The following PHKB variants were observed in gnomAD, a reference collection of about 807,000 sequenced individuals.
PHKB encodes the protein phosphorylase b kinase regulatory subunit beta.
Under a neutral mutation model 152.1 loss-of-function variants are expected in PHKB, and 122 were observed. The observed-to-expected ratio is 0.80, with a 90% confidence interval of 0.69 to 0.93. PHKB has a LOEUF of 0.93. PHKB is among the 40% of genes least tolerant of loss of function. The pLI is 0.00. For missense variants in PHKB, 1,304 were observed against 1,328.4 expected (o/e 0.98, Z 0.29); for synonymous variants, 436 against 464.9 (o/e 0.94, Z 0.80).
rs180815706 is a variant in PHKB, at chr16:47,492,618, C to T, written c.77-4781C>T. Among the ~76,000 whole-genome samples the T allele has an allele frequency of 2.3e-4, 35 of 152,184 alleles. No homozygotes were observed. In the East Asian group the frequency reaches 6.0e-3, roughly 26 times the overall value. On this transcript the variant is annotated intron_variant, in intron 1 of 30. Coordinates refer to ENST00000323584, the MANE Select transcript of PHKB (RefSeq NM_000293.3). ...TGTTGGGCACCCTTGGTTCACGCAC[C>T]CCAGCCTTGGCAGGGAGGGGAGGGT...
rs142494612 is a variant in PHKB, at chr16:47,517,880, A to G, written c.594+2279A>G. ...GTACACTTAAAAATCCTAGAGTAAT[A>G]AAACATGTCATTTCCGCTCACCATC... On this transcript the variant is annotated intron_variant, in intron 6 of 30. Transcript: ENST00000323584. 7.5e-3 allele frequency among the ~76,000 whole-genome samples: 1,139 copies of G among 152,316 alleles called. 18 individuals are homozygous for G. The highest frequency in any genetic ancestry group is 0.026 in the African/African-American group (1,079 of 41,570).
At chr16:47,546,189 C>G (rs1971161138) in intron 6 of PHKB, among the ~76,000 whole-genome samples, 1 of 152,206 alleles carries the variant, frequency 6.6e-6, no homozygotes, top group South Asian at 2.1e-4. Context: ...TTAGAACTTT[C>G]AGCTTTTCTG....
chr16:47,663,896 G>A, intron 24 of PHKB, 162 bp downstream of exon 24: 1 of 654,020 alleles, frequency 1.5e-6, no homozygotes, highest in South Asian at 1.8e-5. Flanking sequence ...TAGCATGTCT[G>A]TCCCCCCACT....
intron 6 of PHKB, among the ~76,000 whole-genome samples, chr16:47,528,696 C>CTTTTTTTTTTTTTTTTT (rs11450311): frequency 2.2e-5 from 3 of 137,388 alleles, no homozygotes; most frequent in Non-Finnish European, 3.1e-5. Flanking sequence ...AGGACTTTTT[C>CTTTTTTTTTTTTTTTTT]TTTTTTTTTT....
chr16:47,546,606 A>G (rs1185171411), intron 6 of PHKB, among the ~76,000 whole-genome samples: 1 of 152,156 alleles, frequency 6.6e-6, no homozygotes, highest in African/African-American at 2.4e-5. Flanking sequence ...TTAGAGGGCA[A>G]ACACTGTGCT....
chr16:47,523,352 A>G (rs1298850620), intron 6 of PHKB, among the ~76,000 whole-genome samples: 2 of 152,164 alleles, frequency 1.3e-5, no homozygotes. Flanking sequence ...TTTTCTGTGA[A>G]TTATGTATTC....
intron 14 of PHKB, among the ~76,000 whole-genome samples, chr16:47,640,060 C>G (rs1315286646): frequency 6.6e-6 from 1 of 152,178 alleles, no homozygotes; most frequent in East Asian, 1.9e-4. Flanking sequence ...TGAAAGTCTG[C>G]GTGAAATGGC....
chr16:47,516,933 G>A (rs1239201776), intron 6 of PHKB, among the ~76,000 whole-genome samples: 1 of 152,104 alleles, frequency 6.6e-6, no homozygotes, highest in African/African-American at 2.4e-5. Flanking sequence ...GGATCAGGGA[G>A]GAGCTGGGAA....
intron 26 of PHKB, among the ~76,000 whole-genome samples, chr16:47,684,204 C>T (rs1391358315): frequency 6.6e-6 from 1 of 151,882 alleles, no homozygotes; most frequent in Non-Finnish European, 1.5e-5. Flanking sequence ...GTAGCGGTGC[C>T]TGCCTGTAGT....
chr16:47,650,094 CTTGAACTGTATT>C (rs544412816), intron 18 of PHKB, among the ~76,000 whole-genome samples: 84 of 152,176 alleles, frequency 5.5e-4, no homozygotes, highest in African/African-American at 2.0e-3. Context: ...TGAGGCCATT[CTTGAACTGTATT>C]TTGTAGGCTT....
At chr16:47,696,328 T>A in intron 28 of PHKB, 53 bp from the exon 29 acceptor site, 1 of 890,788 alleles carries the variant, frequency 1.1e-6, no homozygotes, top group Non-Finnish European at 1.9e-6. Context: ...TTCTATTAAA[T>A]GAGAACCAGA....
At chr16:47,466,884 G>A (rs1969678733) in intron 1 of PHKB, among the ~76,000 whole-genome samples, 1 of 152,028 alleles carries the variant, frequency 6.6e-6, no homozygotes, top group African/African-American at 2.4e-5. Context: ...TGTGGGTTGT[G>A]GCCTCCTTTA....
At chr16:47,539,771 A>C (rs1971019461) in intron 6 of PHKB, among the ~76,000 whole-genome samples, 1 of 152,116 alleles carries the variant, frequency 6.6e-6, no homozygotes, top group Admixed American at 6.5e-5. Context: ...TACTTCCATA[A>C]TTTCTTACAT....
At chr16:47,660,599 T>G (rs771785879) in intron 21 of PHKB, 32 bp downstream of exon 21, 1 of 1,612,224 alleles carries the variant, frequency 6.2e-7, no homozygotes, top group South Asian at 1.1e-5. Context: ...CATTTTTGGG[T>G]TTTTTGAAAT....
At chr16:47,524,152 A>G (rs999231641) in intron 6 of PHKB, among the ~76,000 whole-genome samples, 3 of 152,032 alleles carry the variant, frequency 2.0e-5, no homozygotes, top group Admixed American at 2.0e-4. Context: ...AAGTTTGATG[A>G]GTTTTGTCAA....
intron 20 of PHKB, among the ~76,000 whole-genome samples, chr16:47,658,639 C>T (rs1378762022): frequency 6.6e-6 from 1 of 152,112 alleles, no homozygotes; most frequent in Non-Finnish European, 1.5e-5. Context: ...CTACAGTATT[C>T]AGTACATGTT....
intron 26 of PHKB, among the ~76,000 whole-genome samples, chr16:47,680,881 T>C (rs1973840498): frequency 6.6e-6 from 1 of 152,224 alleles, no homozygotes; most frequent in Non-Finnish European, 1.5e-5. Flanking sequence ...ATTTTGGGTC[T>C]TTCCTGCTTC....
rs1057156373 is a variant in PHKB at position 47,693,386 on chromosome 16, T to C, written c.2774T>C (p.Leu925Pro). The part of the protein sequence containing the change: ...LQPQQNGRCW[L>P]NRRQIDGSLN... ...TTTGCCTTTTGTTACAGATGTTGGCTGAACAGGCGTCAGATCGATGGGTCT... is the reference window on the plus strand; with the variant it reads ...TTTGCCTTTTGTTACAGATGTTGGCCGAACAGGCGTCAGATCGATGGGTCT... Residue 925 changes from leucine (L) to proline (P), a missense_variant, in exon 28 of 31, where the codon CTG (leucine) becomes CCG (proline). By Grantham distance (98) the Leu-to-Pro change is moderately conservative (BLOSUM62 -3). Transcript: ENST00000323584. The C allele has an allele frequency of 3.7e-6, 6 of 1,614,086 alleles. No individual in the cohort carries two copies. Among genetic ancestry groups the C allele is most frequent in the Non-Finnish European group, 5.1e-6 (6 of 1,179,970 alleles).
chr16:47,580,748 C>T (rs760726838), intron 8 of PHKB, among the ~76,000 whole-genome samples: 2 of 151,642 alleles, frequency 1.3e-5, no homozygotes. Flanking sequence ...CAATGTATAT[C>T]TCATGTAGAA....
Sources: allele counts gnomAD v4.1 joint callset (sites outside exome capture counted in the v4.1 genomes callset), GRCh38; gene constraint gnomAD v4.1.1; transcripts MANE v1.5; gene names NCBI Gene and HGNC (gene_info 2026-07-23, HGNC 2026-07-21).